MAP3K6: variants seen among roughly 807,000 people sequenced by gnomAD.
The protein encoded by MAP3K6 is mitogen-activated protein kinase kinase kinase 6, also known as apoptosis signal-regulating kinase 2.
MAP3K6 carries 105 observed loss-of-function variants against 147.1 expected under a neutral mutation model. That is an observed-to-expected ratio of 0.71 (90% CI 0.61 to 0.84). The LOEUF is 0.84. MAP3K6 is among the 40% of genes least tolerant of loss of function. The pLI, the probability that MAP3K6 is intolerant of heterozygous loss-of-function variation, is 0.00. For synonymous variants in MAP3K6, 695 were observed against 732.4 expected (o/e 0.95, Z 0.82); for missense variants, 1,569 against 1,715.0 (o/e 0.91, Z 1.50).
intron 26 of MAP3K6, 89 bp from the exon 27 acceptor site, chr1:27,356,188 C>T (rs1348052627): frequency 1.5e-6 from 2 of 1,326,900 alleles, no homozygotes; most frequent in Non-Finnish European, 2.2e-6. Flanking sequence ...CAGCCAAGGC[C>T]CACTCAGGTG....
In MAP3K6 at chr1:27,358,283, G is replaced by A; in HGVS notation, c.2813C>T (p.Ser938Leu). ...PSASPTPSAN[S>L]TTQSQTFPCP... is the part of the protein sequence containing the mutation. ...CGGGAATGTCTGAGACTGGGTGGTTGAGTTGGCTGAAGGAGTGGGACTGGC... is the reference window on the plus strand; with the variant it reads ...CGGGAATGTCTGAGACTGGGTGGTTAAGTTGGCTGAAGGAGTGGGACTGGC... Residue 938 changes from serine (S) to leucine (L), a missense_variant, in exon 21 of 29, where the codon TCA becomes TTA. Transcript: ENST00000357582. The surrounding 1 kb of genome is among the most constrained non-coding windows in gnomAD (Gnocchi z 6.2). 6.2e-7 allele frequency: 1 copy of A among 1,607,944 alleles called. No homozygotes were observed. The highest frequency in any genetic ancestry group is 1.7e-5 in the Admixed American group (1 of 57,448).
rs1184336794 is a variant in MAP3K6, at chr1:27,356,813, A to G, written c.3365-64T>C. 1.1e-5 allele frequency: 17 copies of G among 1,513,186 alleles called. No homozygotes were observed. In the South Asian group the frequency reaches 1.7e-4, roughly 15 times the overall value. The allele number at this position is 1,513,186 out of a possible 1,614,324, so 93.7% of individuals were successfully genotyped here. A position where few individuals can be genotyped will look rare whatever the true frequency, so the allele number is the denominator to read the frequency against. ...GCCCGTTTGGGAACCCCAGACCCCA[A>G]AGTGCGGGGGTAGGGTGCCCGGCTC... On this transcript the variant is annotated intron_variant, in intron 24 of 28. Coordinates refer to ENST00000357582, the MANE Select transcript of MAP3K6 (RefSeq NM_004672.5).
At chr1:27,357,135 C>T (rs768269148) in intron 23 of MAP3K6, 21 bp from the exon 24 acceptor site, 4 of 1,594,684 alleles carry the variant, frequency 2.5e-6, no homozygotes, top group South Asian at 2.2e-5. Context: ...AGGGAGGCGC[C>T]GCTGAGACAG....
In MAP3K6 at chr1:27,361,271, C is replaced by T. The variant is rs774202733; in HGVS notation, c.1737-19G>A. 6.2e-7 allele frequency: 1 copy of T among 1,613,498 alleles called. No homozygotes were observed. The highest frequency in any genetic ancestry group is 1.1e-5 in the South Asian group (1 of 90,948). On this transcript the variant is annotated intron_variant, in intron 12 of 28. Coordinates refer to ENST00000357582, the MANE Select transcript of MAP3K6 (RefSeq NM_004672.5). Reference sequence around the variant, plus strand: ...TGAGGCGCTGGGAAGGGATGAAGAACCCAGTAAGCGTCAGGCTGGGTGGCA... The same window carrying T: ...TGAGGCGCTGGGAAGGGATGAAGAATCCAGTAAGCGTCAGGCTGGGTGGCA...
Position 27,358,752 on chromosome 1 carries a change from G to A in MAP3K6, c.2540C>T (p.Pro847Leu), listed in dbSNP as rs778577257. The A allele has an allele frequency of 1.5e-5, 25 of 1,613,892 alleles. No homozygotes were observed. Among genetic ancestry groups the A allele is most frequent in the Non-Finnish European group, 1.9e-5 (23 of 1,179,982 alleles). Residue 847 changes from proline to leucine, a missense_variant, in exon 19 of 29, where the codon CCC becomes CTC. Coordinates refer to ENST00000357582, the MANE Select transcript of MAP3K6 (RefSeq NM_004672.5). This position sits in a 1 kb window ranked among gnomAD's most constrained non-coding sequence, Gnocchi z 6.2. Reference sequence around the variant, plus strand: ...TGGGCTCCCGAGCTCGTGGAAGGGGGGGCGACCTGTGGCCATCTCAATGAC... The same window carrying A: ...TGGGCTCCCGAGCTCGTGGAAGGGGAGGCGACCTGTGGCCATCTCAATGAC... ...CTVIEMATGR[P>L]PFHELGSPQA...
At chr1:27,365,837 A>G (rs996821183) in intron 1 of MAP3K6, among the ~76,000 whole-genome samples, 3 of 151,700 alleles carry the variant, frequency 2.0e-5, no homozygotes, top group Non-Finnish European at 4.4e-5. Flanking sequence ...CTCCTCTCCC[A>G]GTAATTGTCC....
chr1:27,361,164 AGT>A lies in MAP3K6; in HGVS notation c.1823_1824del (p.His608LeufsTer34), dbSNP rs1417203552. ...DVQLCFPSVG[H>X]CQWFCGLIQA... ...CCATGAAAGGCTGCGCACCACTGGCAGTGCCCTACGCTGGGGAAGCACAGCTG... is the reference window on the plus strand; with the variant it reads ...CCATGAAAGGCTGCGCACCACTGGCAGCCCTACGCTGGGGAAGCACAGCTG... On this transcript the variant is annotated frameshift_variant, in exon 13 of 29. Transcript: ENST00000357582. LOFTEE classifies it high-confidence loss of function. 8.7e-6 allele frequency: 14 copies of A among 1,609,778 alleles called. No homozygotes were observed. Among genetic ancestry groups the A allele is most frequent in the Admixed American group, 1.7e-5 (1 of 59,342 alleles).
Position 27,364,681 on chromosome 1 carries a change from C to T in MAP3K6, c.484G>A (p.Asp162Asn). ...CTCACCGAGTTCTTCTGGAAAACAT[C>T]CTCCTGCAGGAGGCAGACAGTCAGA... ...DLPDLQALREDVFQKNSDCVG... is the reference protein window; with the variant it reads ...DLPDLQALRENVFQKNSDCVG... Residue 162 changes from aspartate to asparagine, a missense_variant, in exon 3 of 29, where the codon GAT becomes AAT. By Grantham distance (23) the Asp-to-Asn change is conservative. Transcript: ENST00000357582. This position sits in a 1 kb window ranked among gnomAD's most constrained non-coding sequence, Gnocchi z 4.4. The T allele has an allele frequency of 4.3e-6, 7 of 1,614,180 alleles. No homozygotes were observed. The highest frequency in any genetic ancestry group is 5.9e-6 in the Non-Finnish European group (7 of 1,180,024).
Position 27,358,564 on chromosome 1 carries a change from G to A in MAP3K6, c.2631C>T (p.Ala877=), listed in dbSNP as rs747012802. Residue 877 remains alanine (A), a synonymous_variant, in exon 20 of 29, where the codon GCC becomes GCT. Transcript: ENST00000357582. The surrounding 1 kb of genome is among the most constrained non-coding windows in gnomAD (Gnocchi z 6.2). ...VHPPMPSSLS[A]EAQAFLLRTF... ...TTCGGAGGAGAAAGGCTTGGGCCTCGGCCGACAGAGAGCTGGGCATTGGCG... is the reference window on the plus strand; with the variant it reads ...TTCGGAGGAGAAAGGCTTGGGCCTCAGCCGACAGAGAGCTGGGCATTGGCG... 7.4e-6 allele frequency: 12 copies of A among 1,613,124 alleles called. No homozygotes were observed. Among genetic ancestry groups the A allele is most frequent in the African/African-American group, 2.7e-5 (2 of 74,878 alleles).
rs746309310 is a variant in MAP3K6 at position 27,361,204 on chromosome 1, CG to C, written c.1784del (p.Pro595ArgfsTer12). The C allele has an allele frequency of 1.9e-6, 3 of 1,612,876 alleles. No individual in the cohort carries two copies. Among genetic ancestry groups the C allele is most frequent in the East Asian group, 2.2e-5 (1 of 44,860 alleles). On this transcript the variant is annotated frameshift_variant, in exon 13 of 29. Coordinates refer to ENST00000357582, the MANE Select transcript of MAP3K6 (RefSeq NM_004672.5). LOFTEE classifies it high-confidence loss of function. ...ERCCFLYALP[P>X]AQDVQLCFPS... Reference sequence around the variant, plus strand: ...GGAAGCACAGCTGGACGTCCTGAGCCGGGGGGAGTGCATAGAGGAAGCAGCA... The same window carrying C: ...GGAAGCACAGCTGGACGTCCTGAGCCGGGGGAGTGCATAGAGGAAGCAGCA...
Position 27,364,556 on chromosome 1 carries a change from T to A in MAP3K6, c.504+105A>T. The A allele has an allele frequency of 6.4e-7, 1 of 1,572,738 alleles. No individual in the cohort carries two copies. The highest frequency in any genetic ancestry group is 1.1e-5 in the South Asian group (1 of 90,082). On this transcript the variant is annotated intron_variant, in intron 3 of 28. Coordinates refer to ENST00000357582, the MANE Select transcript of MAP3K6 (RefSeq NM_004672.5). The surrounding 1 kb of genome is among the most constrained non-coding windows in gnomAD (Gnocchi z 4.4). ...AGGAAACAGAGGAATACTTGGGATG[T>A]CAGTGGGGGGTTAGGTGACTGAGGA...
In MAP3K6 at chr1:27,361,505, C is replaced by T; in HGVS notation, c.1686+15G>A. 3 of 1,613,796 alleles carry T rather than the reference C, an allele frequency of 1.9e-6. No individual in the cohort carries two copies. The highest frequency in any genetic ancestry group is 2.2e-5 in the East Asian group (1 of 44,890). On this transcript the variant is annotated intron_variant, in intron 11 of 28. Transcript: ENST00000357582. ...CCTAGCAAAGGTGAGTGAGGGGCCT[C>T]AGCAGCGACTTCACCTGGGTCTCAG... is the stretch of plus-strand genomic sequence containing the variant.
rs1024115187 is a variant in MAP3K6, at chr1:27,364,561, G to C, written c.504+100C>G. The C allele has an allele frequency of 1.3e-6, 2 of 1,572,382 alleles. No homozygotes were observed. The highest frequency in any genetic ancestry group is 2.2e-5 in the East Asian group (1 of 44,630). On this transcript the variant is annotated intron_variant, in intron 3 of 28. Coordinates refer to ENST00000357582, the MANE Select transcript of MAP3K6 (RefSeq NM_004672.5). The surrounding 1 kb of genome is among the most constrained non-coding windows in gnomAD (Gnocchi z 4.4). ...ACAGAGGAATACTTGGGATGTCAGT[G>C]GGGGGTTAGGTGACTGAGGAGGCCA...
In MAP3K6 at chr1:27,363,500, T is replaced by C. The variant is rs752192244; in HGVS notation, c.913A>G (p.Thr305Ala). 3.7e-6 allele frequency: 6 copies of C among 1,613,750 alleles called. No individual in the cohort carries two copies. In the Admixed American group the frequency reaches 5.0e-5, roughly 13 times the overall value. The change falls in exon 6 of 29, where the codon ACC becomes GCC. Residue 305 changes from threonine to alanine, a missense_variant. Thr to Ala is a moderately conservative substitution (Grantham distance 58). Coordinates refer to ENST00000357582, the MANE Select transcript of MAP3K6 (RefSeq NM_004672.5). ...TTATGCTGCTCGGCCACATCACAGG[T>C]GGGCAAGGCCTGCAGCGTCTCCACC... ...ELVETLQALP[T>A]CDVAEQHNVC...
chr1:27,361,026 C>A lies in MAP3K6; in HGVS notation c.1833-18G>T. 6.4e-7 allele frequency: 1 copy of A among 1,562,146 alleles called. No individual in the cohort carries two copies. The highest frequency in any genetic ancestry group is 1.2e-5 in the South Asian group (1 of 84,470). On this transcript the variant is annotated intron_variant, in intron 13 of 28. Coordinates refer to ENST00000357582, the MANE Select transcript of MAP3K6 (RefSeq NM_004672.5). ...CGCAGAACCTGAAGGTGGGGGAGGTCAGACCCGCGGGAGGGGCATCTTGGT... is the reference window on the plus strand; with the variant it reads ...CGCAGAACCTGAAGGTGGGGGAGGTAAGACCCGCGGGAGGGGCATCTTGGT...
chr1:27,360,923 C>A lies in MAP3K6; in HGVS notation c.1918G>T (p.Glu640Ter). ...EEAEGAGEML[E>*]FDYEYTETGE... The stretch of plus-strand genomic sequence containing the variant: ...AGCTCCCAGTCCCGCGTCCTCACCT[C>A]CAACATCTCCCCCGCGCCCTCCGCC... Residue 640 changes from glutamate to a stop codon, truncating the protein, a stop_gained and splice_region_variant, in exon 14 of 29, where the codon GAG (glutamate) becomes TAG (stop). Transcript: ENST00000357582. LOFTEE classifies it high-confidence loss of function. The surrounding 1 kb of genome is among the most constrained non-coding windows in gnomAD (Gnocchi z 4.5). 1.2e-6 allele frequency: 2 copies of A among 1,608,700 alleles called. No individual in the cohort carries two copies. The highest frequency in any genetic ancestry group is 1.7e-6 in the Non-Finnish European group (2 of 1,177,484).
chr1:27,364,937 T>A lies in MAP3K6; in HGVS notation c.341-25A>T, dbSNP rs915516229. On this transcript the variant is annotated intron_variant, in intron 1 of 28. Transcript: ENST00000357582. The surrounding 1 kb of genome is among the most constrained non-coding windows in gnomAD (Gnocchi z 4.4). ...TCTGCAGGCACAGAGGGGGTGGCGC[T>A]GATCCCTGAAGCCCAGCTTGATGGG... 6.4e-7 allele frequency: 1 copy of A among 1,557,290 alleles called. No homozygotes were observed. The highest frequency in any genetic ancestry group is 8.7e-7 in the Non-Finnish European group (1 of 1,147,884).
rs927277810 is a variant in MAP3K6, at chr1:27,360,631, G to A, written c.2054+74C>T. ...CGCCCACTAGGCCCCGCCCACAGGAGCCGCTCCGCTCGTGGCCCGGCTCAC... is the reference window on the plus strand; with the variant it reads ...CGCCCACTAGGCCCCGCCCACAGGAACCGCTCCGCTCGTGGCCCGGCTCAC... On this transcript the variant is annotated intron_variant, in intron 15 of 28. Coordinates refer to ENST00000357582, the MANE Select transcript of MAP3K6 (RefSeq NM_004672.5). The surrounding 1 kb of genome is among the most constrained non-coding windows in gnomAD (Gnocchi z 4.5). 1.3e-6 allele frequency: 2 copies of A among 1,529,888 alleles called. No homozygotes were observed. Among genetic ancestry groups the A allele is most frequent in the Non-Finnish European group, 1.8e-6 (2 of 1,141,890 alleles). The allele number at this position is 1,529,888 out of a possible 1,614,324, so 94.8% of individuals were successfully genotyped here. A position where few individuals can be genotyped will look rare whatever the true frequency, so the allele number is the denominator to read the frequency against.
rs748713619 is a variant in MAP3K6 at position 27,364,801 on chromosome 1, G to A, written c.452C>T (p.Ala151Val). The A allele has an allele frequency of 1.2e-6, 2 of 1,613,714 alleles. No individual in the cohort carries two copies. ...CAGGGCCTGCAGGTCAGGGAGGTCG[G>A]CCTGGGAGCAGAGGAGCACATTGTT... ...MTNNVLLCSQ[A>V]DLPDLQALRE... Residue 151 changes from alanine to valine, a missense_variant, in exon 2 of 29, where the codon GCC (alanine) becomes GTC (valine). Ala to Val is a moderately conservative substitution (Grantham distance 64, BLOSUM62 0). Transcript: ENST00000357582. This position sits in a 1 kb window ranked among gnomAD's most constrained non-coding sequence, Gnocchi z 4.4.
Sources: gnomAD v4.1 joint callset for allele counts (sites outside exome capture counted in the v4.1 genomes callset) on GRCh38, gnomAD v4.1.1 for gene constraint, Gnocchi (gnomAD v3.1) non-coding constraint, MANE v1.5 for transcripts, NCBI Gene and HGNC (gene_info 2026-07-23, HGNC 2026-07-21) for gene names.